The following TRA2B variants were observed in gnomAD, a reference collection of about 807,000 sequenced individuals.
The protein encoded by TRA2B is transformer-2 protein homolog beta.
In TRA2B, 14 loss-of-function variants were observed where a neutral mutation model predicts 41.7. The observed-to-expected ratio is 0.34, with a 90% CI of 0.22 to 0.53. The LOEUF (loss-of-function observed/expected upper bound fraction) is 0.53, where lower values mean the gene tolerates loss of function less well. TRA2B is among the 20% of genes least tolerant of loss of function. The pLI is 0.95. For missense variants in TRA2B, 167 were observed against 396.8 expected (o/e 0.42, Z 4.92); for synonymous variants, 130 against 128.8 (o/e 1.01, Z -0.06).
intron 1 of TRA2B, 55 bp downstream of exon 1, chr3:185,937,770 A>T (rs1390401664): frequency 1.2e-6 from 2 of 1,612,634 alleles, no homozygotes; most frequent in Non-Finnish European, 1.7e-6. Context: ...CGGGCCTAGA[A>T]AAAGATGCAA....
chr3:185,934,382 C>G, intron 1 of TRA2B: 3 of 985,408 alleles, frequency 3.0e-6, no homozygotes, highest in South Asian at 4.7e-5. Flanking sequence ...ACTTCCCCCA[C>G]CACCTGAATT....
chr3:185,936,688 T>TTA (rs397700543), intron 1 of TRA2B: 32 of 973,046 alleles, frequency 3.3e-5, no homozygotes, highest in South Asian at 1.9e-4. Context: ...TTTTTTTTTT[T>TTA]AAAAAAGCAC....
intron 1 of TRA2B, chr3:185,934,613 T>C: frequency 1.0e-6 from 1 of 985,352 alleles, no homozygotes; most frequent in Non-Finnish European, 1.2e-6. Context: ...AATTCAATCC[T>C]TTTTTAAAGG....
At chr3:185,935,242 G>T in intron 1 of TRA2B, 2 of 985,408 alleles carry the variant, frequency 2.0e-6, no homozygotes, top group Non-Finnish European at 2.4e-6. Flanking sequence ...ATCCGGAGAT[G>T]AAAACGAGAT....
At position 185,926,895 on chromosome 3, in the gene TRA2B, T is replaced by C. The variant is rs74755134; in HGVS notation, c.37-161A>G. The C allele has an allele frequency of 2.7e-3, 2,092 of 787,112 alleles. 28 individuals carry two copies. In the African/African-American group the frequency reaches 0.032, roughly 12 times the overall value. The allele number at this position is 787,112 out of a possible 1,614,324, so 48.8% of individuals were successfully genotyped here. A position where few individuals can be genotyped will look rare whatever the true frequency, so the allele number is the denominator to read the frequency against. On this transcript the variant is annotated intron_variant, in intron 1 of 8. Coordinates refer to ENST00000453386, the MANE Select transcript of TRA2B (RefSeq NM_004593.3). ...AATATACCTGGTGTTAATAGTTTCA[T>C]TGCTCCAAATGACATAAGTCAATTA...
At chr3:185,928,336 A>G (rs1449189975) in intron 1 of TRA2B, 1 of 152,220 alleles carries the variant, frequency 6.6e-6, no homozygotes, top group Non-Finnish European at 1.5e-5. Flanking sequence ...CAAAGCCATT[A>G]TAAAACATGG....
In TRA2B at chr3:185,916,169, G is replaced by T. The variant is rs563464179; in HGVS notation, c.*1546C>A. 4 of 152,316 alleles carry T rather than the reference G, an allele frequency of 2.6e-5. No homozygotes were observed. The East Asian group carries it at 7.7e-4, about 29-fold the overall frequency. The allele number at this position is 152,316 out of a possible 1,614,324, so 9.4% of individuals were successfully genotyped here. A position where few individuals can be genotyped will look rare whatever the true frequency, so the allele number is the denominator to read the frequency against. ...CTGGACAGTAAGTTTTACAAATTAA[G>T]ACCTGCCAATACTGCCTATGCTCCA... On this transcript the variant is annotated 3_prime_UTR_variant, in exon 9 of 9. Coordinates refer to ENST00000453386, the MANE Select transcript of TRA2B (RefSeq NM_004593.3).
At chr3:185,919,742 A>G (rs1743643756) in intron 6 of TRA2B, among the ~76,000 whole-genome samples, 1 of 152,198 alleles carries the variant, frequency 6.6e-6, no homozygotes, top group Admixed American at 6.5e-5. Context: ...TAAGAAAAAA[A>G]TCTCAGCCCC....
intron 1 of TRA2B, chr3:185,936,591 A>T (rs1744364314): frequency 1.0e-6 from 1 of 985,180 alleles, no homozygotes; most frequent in South Asian, 4.7e-5. Flanking sequence ...GTTTGCTAAG[A>T]CATTTAATAG....
At chr3:185,921,896 A>C (rs538587170) in intron 5 of TRA2B, 115 bp downstream of exon 5, 4 of 638,322 alleles carry the variant, frequency 6.3e-6, no homozygotes, top group Admixed American at 3.1e-5. Flanking sequence ...GCATTTAATC[A>C]ATCAACAGTC....
chr3:185,925,200 A>G lies in TRA2B; in HGVS notation c.333+264T>C, dbSNP rs142729672. 1,564 of 339,824 alleles carry G rather than the reference A, an allele frequency of 4.6e-3. 6 individuals carry two copies. Among genetic ancestry groups the G allele is most frequent in the Non-Finnish European group, 6.7e-3 (1,234 of 183,400 alleles). The allele number at this position is 339,824 out of a possible 1,614,324, so 21.1% of individuals were successfully genotyped here. On this transcript the variant is annotated intron_variant, in intron 3 of 8. Coordinates refer to ENST00000453386, the MANE Select transcript of TRA2B (RefSeq NM_004593.3). ...TAATGTACTAATACTATACTACAGT[A>G]TAGTAATGCAGTCGGAAGTTTTTTT... is the stretch of plus-strand genomic sequence containing the variant.
intron 2 of TRA2B, 53 bp from the exon 3 acceptor site, chr3:185,925,679 T>A: frequency 6.5e-6 from 10 of 1,544,382 alleles, no homozygotes; most frequent in Non-Finnish European, 8.8e-6. Flanking sequence ...ATTGTCTTCT[T>A]TATTACTCTG....
At chr3:185,925,324 C>T (rs1432653967) in intron 3 of TRA2B, 140 bp downstream of exon 3, 1 of 959,170 alleles carries the variant, frequency 1.0e-6, no homozygotes. Flanking sequence ...ACTTAAAAGA[C>T]TCTCTCAAAA....
intron 8 of TRA2B, 70 bp downstream of exon 8, chr3:185,918,294 TA>T (rs1743580786): frequency 9.9e-6 from 11 of 1,109,546 alleles, no homozygotes. Context: ...CATTATCTGA[TA>T]AAGGGAATAC....
chr3:185,931,626 T>A, intron 1 of TRA2B: 1 of 1,294,010 alleles, frequency 7.7e-7, no homozygotes, highest in Non-Finnish European at 9.8e-7. Context: ...TAACTTCATT[T>A]TTATTTCTTT....
chr3:185,919,641 A>G, intron 6 of TRA2B, 145 bp from the exon 7 acceptor site: 1 of 637,656 alleles, frequency 1.6e-6, no homozygotes, highest in South Asian at 2.2e-5. Context: ...CTTTTTAGAA[A>G]CTGGCATAGG....
chr3:185,937,734 G>A lies in TRA2B; in HGVS notation c.36+91C>T. On this transcript the variant is annotated intron_variant, in intron 1 of 8. Coordinates refer to ENST00000453386, the MANE Select transcript of TRA2B (RefSeq NM_004593.3). ...GGCTTCAGACTTCGGAGCCTAAAAC[G>A]CCCCTGCCTCCTGGCCCGAGGCCGA... 5.1e-6 allele frequency: 8 copies of A among 1,565,542 alleles called. No homozygotes were observed. The South Asian group carries it at 7.8e-5, about 15-fold the overall frequency.
At chr3:185,926,258 G>C (rs1308645635) in intron 2 of TRA2B, among the ~76,000 whole-genome samples, 1 of 150,916 alleles carries the variant, frequency 6.6e-6, no homozygotes, top group Non-Finnish European at 1.5e-5. Flanking sequence ...GAAAGCCAAT[G>C]TTCTGCAGTA....
At chr3:185,934,856 A>G in intron 1 of TRA2B, 1 of 985,472 alleles carries the variant, frequency 1.0e-6, no homozygotes, top group Non-Finnish European at 1.2e-6. Flanking sequence ...TGTTGCAATC[A>G]CATCGGCTTT....
Sources: allele counts gnomAD v4.1 joint callset (sites outside exome capture counted in the v4.1 genomes callset), GRCh38; gene constraint gnomAD v4.1.1; transcripts MANE v1.5; gene names NCBI Gene and HGNC (gene_info 2026-07-23, HGNC 2026-07-21).